Variants in SND1 observed in about 807,000 individuals in gnomAD.
The protein encoded by SND1 is staphylococcal nuclease and tudor domain containing 1.
SND1 carries 38 observed loss-of-function variants against 121.7 expected under a neutral mutation model. That is an observed-to-expected ratio of 0.31 (90% confidence interval 0.24 to 0.41). The LOEUF (loss-of-function observed/expected upper bound fraction) is 0.41. SND1 is among the 10% of genes least tolerant of loss of function. The probability of loss-of-function intolerance (pLI) is 1.00; values close to 1 mark genes in which losing one functional copy is unlikely to be tolerated. For missense variants in SND1, 868 were observed against 1,184.6 expected, an observed-to-expected ratio of 0.73 and a Z score of 3.92; for synonymous variants, 401 against 447.4, an observed-to-expected ratio of 0.90 and a Z score of 1.31.
intron 16 of SND1, among the ~76,000 whole-genome samples, chr7:128,001,102 T>C (rs1232711854): frequency 1.3e-5 from 2 of 152,196 alleles, no homozygotes; most frequent in Non-Finnish European, 2.9e-5. Context: ...CGTGACGGTT[T>C]CTGGTCAGCT....
At chr7:128,031,783 CGCCCGCCGCT>C (rs564375276) in intron 16 of SND1, among the ~76,000 whole-genome samples, 1,587 of 145,662 alleles carry the variant, frequency 0.011, 21 homozygotes, top group South Asian at 0.055. Flanking sequence ...CGCCCGTCGC[CGCCCGCCGCT>C]GCCCGGCCCC....
Position 128,060,408 on chromosome 7 carries a change from A to G in SND1, c.1780-14094A>G, listed in dbSNP as rs77983364. Among the ~76,000 whole-genome samples the G allele has an allele frequency of 3.1e-3, 469 of 152,296 alleles. 20 individuals carry two copies. In the East Asian group the frequency reaches 0.071, roughly 23 times the overall value. ...GTGACATGGAAGCATGACACCATTG[A>G]ATATGCTCTCTCTTTGAGAAGATAC... On this transcript the variant is annotated intron_variant, in intron 16 of 23. Transcript: ENST00000354725.
At chr7:127,655,075 G>A (rs1795188315) in intron 1 of SND1, among the ~76,000 whole-genome samples, 1 of 152,174 alleles carries the variant, frequency 6.6e-6, no homozygotes, top group South Asian at 2.1e-4. Flanking sequence ...TTGGGAGAGA[G>A]GTAGAAATTG....
intron 10 of SND1, among the ~76,000 whole-genome samples, chr7:127,796,045 G>A (rs1021701015): frequency 6.6e-6 from 1 of 151,850 alleles, no homozygotes; most frequent in African/African-American, 2.4e-5. Flanking sequence ...TTTTAGTGGA[G>A]ACGGGGTTTC....
rs544640141 is a variant in SND1, at chr7:127,858,211, C to T, written c.1343+13787C>T. 396 of 784,332 alleles carry T rather than the reference C, an allele frequency of 5.0e-4. 1 individual carries two copies. In the African/African-American group the frequency reaches 5.9e-3, roughly 12 times the overall value. 48.6% of individuals were successfully genotyped at this position (784,332 alleles called of 1,614,324 possible). A position where few individuals can be genotyped will look rare whatever the true frequency, so the allele number is the denominator to read the frequency against. ...TCAGCCGCATGGCCAACTGTTCCCT[C>T]GTTTCCTGGTACATGCCAAGGTTTC... On this transcript the variant is annotated intron_variant, in intron 12 of 23. Coordinates refer to ENST00000354725, the MANE Select transcript of SND1 (RefSeq NM_014390.4).
At chr7:127,825,650 G>T (rs1421453175) in intron 11 of SND1, among the ~76,000 whole-genome samples, 1 of 149,336 alleles carries the variant, frequency 6.7e-6, no homozygotes, top group South Asian at 2.1e-4. Context: ...CAGGTGATCC[G>T]CCCACCCCGG....
intron 10 of SND1, among the ~76,000 whole-genome samples, chr7:127,806,621 T>C (rs1798243356): frequency 6.6e-6 from 1 of 152,220 alleles, no homozygotes; most frequent in South Asian, 2.1e-4. Context: ...CTTATAGCAT[T>C]TAGTCCCTAG....
At chr7:127,881,902 G>C (rs928220803) in intron 12 of SND1, among the ~76,000 whole-genome samples, 4 of 152,090 alleles carry the variant, frequency 2.6e-5, no homozygotes, top group African/African-American at 9.7e-5. Flanking sequence ...CCCTCCCAAA[G>C]TGTTAGAATT....
At chr7:128,023,351 G>C (rs1803401049) in intron 16 of SND1, among the ~76,000 whole-genome samples, 1 of 152,130 alleles carries the variant, frequency 6.6e-6, no homozygotes, top group Admixed American at 6.5e-5. Context: ...TTTCATCACT[G>C]ACCTGAGTAA....
intron 10 of SND1, among the ~76,000 whole-genome samples, chr7:127,732,483 G>A (rs1294602930): frequency 6.6e-6 from 1 of 152,196 alleles, no homozygotes; most frequent in Non-Finnish European, 1.5e-5. Context: ...AATCCTCTGT[G>A]CTATGCTTTG....
intron 17 of SND1, among the ~76,000 whole-genome samples, chr7:128,080,335 A>C (rs1206507195): frequency 3.3e-5 from 5 of 152,240 alleles, no homozygotes; most frequent in African/African-American, 1.2e-4. Context: ...GCGTCAAATC[A>C]GCTTCTGAGC....
At chr7:127,732,839 A>G (rs971055885) in intron 10 of SND1, among the ~76,000 whole-genome samples, 3 of 152,230 alleles carry the variant, frequency 2.0e-5, no homozygotes, top group Non-Finnish European at 4.4e-5. Flanking sequence ...CACTGATCAC[A>G]GAAACGAGTG....
At position 127,701,153 on chromosome 7, in the gene SND1, T is replaced by C. The variant is rs1796092876; in HGVS notation, c.429-10T>C. On this transcript the variant is annotated splice_polypyrimidine_tract_variant and intron_variant, in intron 4 of 23. Transcript: ENST00000354725. ...TCACTAACCACTCTTGTTTATTTTT[T>C]ATGTCCCAGTCCTGAGCAGAACCGG... is the stretch of plus-strand genomic sequence containing the variant. The C allele has an allele frequency of 6.2e-7, 1 of 1,612,644 alleles. No homozygotes were observed. Among genetic ancestry groups the C allele is most frequent in the Admixed American group, 1.7e-5 (1 of 59,672 alleles).
intron 16 of SND1, among the ~76,000 whole-genome samples, chr7:128,045,094 A>C (rs1792923852): frequency 6.6e-6 from 1 of 152,220 alleles, no homozygotes; most frequent in Non-Finnish European, 1.5e-5. Context: ...TGGGAGAAAA[A>C]AGCAAAAGGA....
intron 13 of SND1, among the ~76,000 whole-genome samples, chr7:127,894,460 A>G (rs1800078504): frequency 6.6e-6 from 1 of 151,966 alleles, no homozygotes; most frequent in South Asian, 2.1e-4. Flanking sequence ...GCATTCACAT[A>G]CTGGTTATGA....
chr7:127,702,529 C>G lies in SND1; in HGVS notation c.681+3C>G. 6.2e-7 allele frequency: 1 copy of G among 1,613,036 alleles called. No individual in the cohort carries two copies. Among genetic ancestry groups the G allele is most frequent in the South Asian group, 1.1e-5 (1 of 91,056 alleles). ...CAGTCATGCTGTCAGGCATCAAGGT[C>G]AGACCATACTCTTGGCTACGTGGTG... On this transcript the variant is annotated splice_donor_region_variant and intron_variant, in intron 6 of 23. Transcript: ENST00000354725.
At chr7:127,920,256 GT>G (rs1800671814) in intron 14 of SND1, among the ~76,000 whole-genome samples, 1 of 152,134 alleles carries the variant, frequency 6.6e-6, no homozygotes, top group South Asian at 2.1e-4. Flanking sequence ...ATAGTTTATA[GT>G]TTTTTGTTTG....
At chr7:127,997,026 T>C (rs1802677995) in intron 16 of SND1, among the ~76,000 whole-genome samples, 1 of 152,224 alleles carries the variant, frequency 6.6e-6, no homozygotes, top group African/African-American at 2.4e-5. Flanking sequence ...TTATATAGCA[T>C]TTTCTCATTT....
chr7:127,929,480 T>A, intron 15 of SND1, 151 bp downstream of exon 15: 2 of 766,060 alleles, frequency 2.6e-6, no homozygotes, highest in South Asian at 3.4e-5. Flanking sequence ...GTTTCTAGAT[T>A]GGATCCTCCT....
Sources: allele counts gnomAD v4.1 joint callset (sites outside exome capture counted in the v4.1 genomes callset), GRCh38; gene constraint gnomAD v4.1.1; transcripts MANE v1.5; gene names NCBI Gene and HGNC (gene_info 2026-07-23, HGNC 2026-07-21).